PCDHGA2: variants seen among roughly 807,000 people sequenced by gnomAD.
PCDHGA2 encodes the protein protocadherin gamma subfamily A, 2.
Under a neutral mutation model 59.2 loss-of-function variants are expected in PCDHGA2, and 40 were observed. The ratio of observed to expected loss-of-function variants is 0.68; its 90% CI spans 0.52 to 0.88. The LOEUF is 0.88. Ranked by LOEUF, PCDHGA2 falls within the 40% of genes least tolerant of loss-of-function variation. PCDHGA2 has a pLI of 0.00. For synonymous variants in PCDHGA2, 560 were observed against 526.0 expected, an observed-to-expected ratio of 1.06 and a Z score of -0.89; for missense variants, 1,226 against 1,204.0, an observed-to-expected ratio of 1.02 and a Z score of -0.27.
chr5:141,469,104 C>T (rs1046234848), intron 1 of PCDHGA2, among the ~76,000 whole-genome samples: 1 of 151,760 alleles, frequency 6.6e-6, no homozygotes, highest in Admixed American at 6.6e-5. Flanking sequence ...AAGCAAGAAC[C>T]TGTCTCTAAA....
intron 1 of PCDHGA2, chr5:141,393,678 A>T: frequency 6.2e-7 from 1 of 1,613,904 alleles, no homozygotes; most frequent in Non-Finnish European, 8.5e-7. Context: ...TGAAAAACAA[A>T]CTCCGTTATT....
At chr5:141,366,346 G>A in intron 1 of PCDHGA2, 1 of 1,613,932 alleles carries the variant, frequency 6.2e-7, no homozygotes, top group South Asian at 1.1e-5. Context: ...CTGACATCCT[G>A]GCTGACCTAG....
intron 1 of PCDHGA2, chr5:141,382,965 C>A (rs1186922348): frequency 2.5e-6 from 4 of 1,608,612 alleles, no homozygotes; most frequent in Non-Finnish European, 3.4e-6. Context: ...TCCTGGGGAC[C>A]CCCTGGGAAG....
chr5:141,362,184 C>A lies in PCDHGA2; in HGVS notation c.2424+20789C>A, dbSNP rs1252521454. 3.1e-6 allele frequency: 5 copies of A among 1,613,940 alleles called. No homozygotes were observed. The African/African-American group carries it at 6.7e-5, about 22-fold the overall frequency. The stretch of plus-strand genomic sequence containing the variant: ...TCAGCGACCGCCGGGAGCCCTCTGA[C>A]CCCCAGGCAAAACTGCAGTTTTACC... On this transcript the variant is annotated intron_variant, in intron 1 of 3. Coordinates refer to ENST00000394576, the MANE Select transcript of PCDHGA2 (RefSeq NM_018915.4).
intron 1 of PCDHGA2, chr5:141,361,317 G>T (rs1244166990): frequency 6.2e-7 from 1 of 1,613,944 alleles, no homozygotes. Flanking sequence ...AGTTTATTTT[G>T]AAATCTTCCT....
intron 1 of PCDHGA2, among the ~76,000 whole-genome samples, chr5:141,373,744 G>C (rs10061034): frequency 0.027 from 4,169 of 152,204 alleles, 185 homozygotes; most frequent in African/African-American, 0.096. Flanking sequence ...TCATTATCTT[G>C]GGGAGGGAAA....
chr5:141,365,484 C>T (rs1763944357), intron 1 of PCDHGA2: 1 of 1,613,876 alleles, frequency 6.2e-7, no homozygotes, highest in African/African-American at 1.3e-5. Flanking sequence ...ATTGCATGCT[C>T]TATTCCTAGG....
At chr5:141,366,749 C>T in intron 1 of PCDHGA2, 1 of 1,609,608 alleles carries the variant, frequency 6.2e-7, no homozygotes, top group Admixed American at 1.7e-5. Flanking sequence ...ACGGCGAGTT[C>T]AGGTTAGTTT....
chr5:141,404,497 T>C, intron 1 of PCDHGA2: 1 of 1,613,930 alleles, frequency 6.2e-7, no homozygotes, highest in Non-Finnish European at 8.5e-7. Context: ...GTGTGCTGTA[T>C]GCTCTGTGCT....
At chr5:141,345,240 C>A (rs757266874) in intron 1 of PCDHGA2, 2 of 1,613,924 alleles carry the variant, frequency 1.2e-6, no homozygotes, top group East Asian at 4.5e-5. Flanking sequence ...TCAATATTAC[C>A]GCTTAGTGAC....
chr5:141,362,794 C>T (rs865957377), intron 1 of PCDHGA2, among the ~76,000 whole-genome samples: 2 of 152,246 alleles, frequency 1.3e-5, no homozygotes, highest in African/African-American at 4.8e-5. Context: ...TTTTCTTCCT[C>T]ATCTTTACAT....
intron 1 of PCDHGA2, chr5:141,411,384 A>G (rs1280664726): frequency 6.6e-6 from 1 of 152,092 alleles, no homozygotes; most frequent in Non-Finnish European, 1.5e-5. Context: ...AGCCTGGGCA[A>G]TATAGGGAGA....
intron 3 of PCDHGA2, 62 bp downstream of exon 3, chr5:141,505,543 C>T: frequency 6.2e-7 from 1 of 1,609,636 alleles, no homozygotes; most frequent in Non-Finnish European, 8.5e-7. Flanking sequence ...GTGCATCTCA[C>T]AGCCACCATG....
At chr5:141,350,925 C>T in intron 1 of PCDHGA2, 1 of 1,614,094 alleles carries the variant, frequency 6.2e-7, no homozygotes, top group South Asian at 1.1e-5. Context: ...CTAAGCGGCA[C>T]CACCCATATC....
At chr5:141,436,318 CTG>C (rs1309397202) in intron 1 of PCDHGA2, among the ~76,000 whole-genome samples, 1 of 152,154 alleles carries the variant, frequency 6.6e-6, no homozygotes, top group Non-Finnish European at 1.5e-5. Flanking sequence ...ATAGTCAAGA[CTG>C]TTAGACCATA....
At position 141,511,247 on chromosome 5, in the gene PCDHGA2, C is replaced by A; in HGVS notation, c.*74C>A. The A allele has an allele frequency of 1.3e-6, 2 of 1,577,162 alleles. No individual in the cohort carries two copies. The highest frequency in any genetic ancestry group is 1.7e-6 in the Non-Finnish European group (2 of 1,161,712). On this transcript the variant is annotated 3_prime_UTR_variant, in exon 4 of 4. Transcript: ENST00000394576. Reference sequence around the variant, plus strand: ...CAGCTTCTCCTTACCTGCACCCAGGCCTCAGAGTTTCAGGGCTAACCCCCA... The same window carrying A: ...CAGCTTCTCCTTACCTGCACCCAGGACTCAGAGTTTCAGGGCTAACCCCCA...
intron 1 of PCDHGA2, chr5:141,372,026 C>T (rs1469685060): frequency 6.2e-7 from 1 of 1,613,330 alleles, no homozygotes; most frequent in Non-Finnish European, 8.5e-7. Flanking sequence ...CGCTCAGCGC[C>T]AACGTGAGCC....
At chr5:141,372,155 G>T in intron 1 of PCDHGA2, 1 of 1,613,796 alleles carries the variant, frequency 6.2e-7, no homozygotes, top group Non-Finnish European at 8.5e-7. Flanking sequence ...CTGGCTACCT[G>T]GTGACCAAGG....
intron 1 of PCDHGA2, among the ~76,000 whole-genome samples, chr5:141,430,390 A>G (rs1231067120): frequency 6.6e-6 from 1 of 152,216 alleles, no homozygotes; most frequent in Non-Finnish European, 1.5e-5. Flanking sequence ...TGGGAAAAAA[A>G]AAAAAAGCTC....
Sources: gnomAD v4.1 joint callset for allele counts (sites outside exome capture counted in the v4.1 genomes callset) on GRCh38, gnomAD v4.1.1 for gene constraint, MANE v1.5 for transcripts, NCBI Gene and HGNC (gene_info 2026-07-23, HGNC 2026-07-21) for gene names.